KRTAP2-2: variants seen among roughly 807,000 people sequenced by gnomAD.
KRTAP2-2 encodes keratin associated protein 2-2.
A neutral mutation model predicts 10.2 loss-of-function variants in KRTAP2-2; 3 were observed. That is an observed-to-expected ratio of 0.29 (90% CI 0.13 to 0.76). KRTAP2-2 has a LOEUF of 0.76. Among genes scored for constraint, KRTAP2-2 ranks in the 30% least tolerant of loss-of-function variants. KRTAP2-2 has a pLI of 0.67. For synonymous variants in KRTAP2-2, 20 were observed against 70.8 expected (o/e 0.28, Z 3.60); for missense variants, 54 against 163.6 (o/e 0.33, Z 3.65).
exon 1 of KRTAP2-2, chr17:41,055,145 A>G: frequency 2.2e-6 from 3 of 1,359,602 alleles, no homozygotes; most frequent in Non-Finnish European, 2.9e-6. Flanking sequence ...CGGCAGCAGC[A>G]GGGCTGGCAG....
At chr17:41,055,212 G>A in exon 1 of KRTAP2-2, 1 of 1,409,390 alleles carries the variant, frequency 7.1e-7, no homozygotes, top group Non-Finnish European at 9.3e-7. Flanking sequence ...AGCCGGTCAT[G>A]GTGGTGTCTG....
chr17:41,054,604 G>A, exon 1 of KRTAP2-2: 3 of 1,197,024 alleles, frequency 2.5e-6, no homozygotes, highest in Non-Finnish European at 3.4e-6. Flanking sequence ...GTCTGAAAAG[G>A]TGTCTTCAAT....
chr17:41,054,653 T>C, exon 1 of KRTAP2-2: 2 of 1,484,024 alleles, frequency 1.3e-6, no homozygotes, highest in East Asian at 2.5e-5. Context: ...AGAAATGGGC[T>C]TCTCAAGGAA....
exon 1 of KRTAP2-2, chr17:41,054,691 G>A (rs2143799967): frequency 6.5e-7 from 1 of 1,531,504 alleles, no homozygotes; most frequent in East Asian, 2.4e-5. Flanking sequence ...GTGAAGCCCT[G>A]AGGGGCAGCG....
exon 1 of KRTAP2-2, chr17:41,054,515 T>C (rs886332547): frequency 6.6e-6 from 4 of 607,404 alleles, no homozygotes; most frequent in Admixed American, 3.1e-5. Flanking sequence ...GGTAGGAGTA[T>C]TGAGTTTATT....
exon 1 of KRTAP2-2, chr17:41,054,700 C>T (rs140615168): frequency 0.016 from 24,818 of 1,532,880 alleles, 544 homozygotes; most frequent in Non-Finnish European, 0.017. Flanking sequence ...TGAGGGGCAG[C>T]GGGATGGACC....
chr17:41,054,591 T>G, exon 1 of KRTAP2-2: 6 of 1,014,486 alleles, frequency 5.9e-6, no homozygotes, highest in Middle Eastern at 3.2e-4. Context: ...TCATCTGTGG[T>G]TGGTCTGAAA....
chr17:41,054,527 G>C lies in KRTAP2-2; in HGVS notation c.*313C>G, dbSNP rs417882. 26,141 of 635,222 alleles carry C rather than the reference G, an allele frequency of 0.041. 5,318 individuals are homozygous for C. The African/African-American group carries it at 0.43, about 10-fold the overall frequency. 39.3% of individuals were successfully genotyped at this position (635,222 alleles called of 1,614,324 possible). On this transcript the variant is annotated 3_prime_UTR_variant, in exon 1 of 1. Coordinates refer to ENST00000398477, the Ensembl canonical transcript of KRTAP2-2. ...TATGGTAGGAGTATTGAGTTTATTA[G>C]AAAGCAGACAACATGATATAGGAGT...
exon 1 of KRTAP2-2, chr17:41,054,723 G>A (rs544963398): frequency 1.9e-6 from 3 of 1,538,504 alleles, no homozygotes; most frequent in South Asian, 2.4e-5. Context: ...GCCATCTTCT[G>A]AGGGGCCCTT....
At chr17:41,054,533 A>G (rs539434953) in exon 1 of KRTAP2-2, 69 of 646,328 alleles carry the variant, frequency 1.1e-4, no homozygotes, top group African/African-American at 1.0e-3. Flanking sequence ...ATTAGAAAGC[A>G]GACAACATGA....
At chr17:41,054,639 G>A (rs754030234) in exon 1 of KRTAP2-2, 2 of 1,428,952 alleles carry the variant, frequency 1.4e-6, no homozygotes, top group African/African-American at 1.4e-5. Context: ...AGTATGAAGA[G>A]ATGAGAAATG....
At position 41,055,192 on chromosome 17, in the gene KRTAP2-2, C is replaced by CCGCA; in HGVS notation, c.16_19dup (p.Gly7ValfsTer196). On this transcript the variant is annotated frameshift_variant, in exon 1 of 1. Coordinates refer to ENST00000398477, the Ensembl canonical transcript of KRTAP2-2. LOFTEE classifies it high-confidence loss of function. ...GTAGCTCAGGGAGGAGAAGGTGGAG[C>CCGCA]CGCAGCAGGAGCCGGTCATGGTGGT... 1 of 1,419,638 alleles carries CCGCA rather than the reference C, an allele frequency of 7.0e-7. No homozygotes were observed. Among genetic ancestry groups the CCGCA allele is most frequent in the Non-Finnish European group, 9.2e-7 (1 of 1,085,658 alleles). 87.9% of individuals were successfully genotyped at this position (1,419,638 alleles called of 1,614,324 possible).
Position 41,054,785 on chromosome 17 carries a change from G to C in KRTAP2-2, c.*55C>G, listed in dbSNP as rs402649. ...GAGGTCCTGCAGGTGGTGCTGCAAGGGGTCGGCTGGCCGCAGGGGGACTGC... is the reference window on the plus strand; with the variant it reads ...GAGGTCCTGCAGGTGGTGCTGCAAGCGGTCGGCTGGCCGCAGGGGGACTGC... On this transcript the variant is annotated 3_prime_UTR_variant, in exon 1 of 1. Transcript: ENST00000398477. The C allele has an allele frequency of 5.2e-3, 7,984 of 1,521,518 alleles. 938 individuals carry two copies. The African/African-American group carries it at 0.12, about 23-fold the overall frequency. 94.3% of individuals were successfully genotyped at this position (1,521,518 alleles called of 1,614,324 possible).
At chr17:41,054,595 T>A in exon 1 of KRTAP2-2, 1 of 1,108,502 alleles carries the variant, frequency 9.0e-7, no homozygotes, top group Non-Finnish European at 1.2e-6. Flanking sequence ...CTGTGGTTGG[T>A]CTGAAAAGGT....
chr17:41,055,043 G>T, exon 1 of KRTAP2-2: 1 of 1,150,302 alleles, frequency 8.7e-7, no homozygotes, highest in Non-Finnish European at 1.2e-6. Context: ...CGGCGGCAGG[G>T]CTCGCAGATG....
exon 1 of KRTAP2-2, chr17:41,055,072 A>G: frequency 9.7e-6 from 12 of 1,233,664 alleles, no homozygotes; most frequent in South Asian, 1.6e-5. Context: ...GCAGCGGGGC[A>G]CGCAGGTCAC....
chr17:41,055,022 A>C, exon 1 of KRTAP2-2: 4 of 1,104,818 alleles, frequency 3.6e-6, no homozygotes, highest in Non-Finnish European at 5.0e-6. Flanking sequence ...CAGGGGTCGC[A>C]GCACACCGGG....
exon 1 of KRTAP2-2, chr17:41,054,606 G>T (rs2013036082): frequency 8.2e-7 from 1 of 1,222,732 alleles, no homozygotes; most frequent in Non-Finnish European, 1.1e-6. Flanking sequence ...CTGAAAAGGT[G>T]TCTTCAATGC....
exon 1 of KRTAP2-2, chr17:41,054,715 C>A: frequency 1.3e-6 from 2 of 1,537,460 alleles, no homozygotes; most frequent in Non-Finnish European, 1.7e-6. Context: ...TGGACCTGGC[C>A]ATCTTCTGAG....
Sources: gnomAD v4.1 joint callset for allele counts on GRCh38, gnomAD v4.1.1 for gene constraint, MANE v1.5 for transcripts, NCBI Gene and HGNC (gene_info 2026-07-23, HGNC 2026-07-21) for gene names.